ATM: variants seen among roughly 807,000 people sequenced by gnomAD.
The protein encoded by ATM is serine-protein kinase ATM.
A neutral mutation model predicts 387.0 loss-of-function variants in ATM; 308 were observed. The observed-to-expected ratio is 0.80, with a 90% confidence interval of 0.73 to 0.87. The LOEUF is 0.87. Among genes scored for constraint, ATM ranks in the 40% least tolerant of loss-of-function variants. The probability of loss-of-function intolerance (pLI) is 0.00; values close to 1 mark genes in which losing one functional copy is unlikely to be tolerated. For synonymous variants in ATM, 1,156 were observed against 1,187.3 expected, an observed-to-expected ratio of 0.97 and a Z score of 0.54; for missense variants, 3,312 against 3,560.9, an observed-to-expected ratio of 0.93 and a Z score of 1.78.
chr11:108,232,965 C>T lies in ATM; in HGVS notation c.332-2705C>T, dbSNP rs567397433. Among the ~76,000 whole-genome samples, 39 of 152,186 alleles carry T rather than the reference C, an allele frequency of 2.6e-4. 1 individual carries two copies. The highest frequency in any genetic ancestry group is 9.2e-4 in the African/African-American group (38 of 41,514). ...GCAACCTCCGCCTCCCGGGCTCAAGCGATTCTCCCGCCTCAGCTTCCCAAG... is the reference window on the plus strand; with the variant it reads ...GCAACCTCCGCCTCCCGGGCTCAAGTGATTCTCCCGCCTCAGCTTCCCAAG... On this transcript the variant is annotated intron_variant, in intron 4 of 62. Transcript: ENST00000675843.
chr11:108,337,870 A>G (rs900777661), intron 56 of ATM, among the ~76,000 whole-genome samples: 10 of 152,260 alleles, frequency 6.6e-5, no homozygotes, highest in African/African-American at 2.4e-4. Flanking sequence ...ACTCTCAGAA[A>G]GTAGCTAAGA....
rs202144949 is a variant in ATM, at chr11:108,251,877, A to G, written c.1648A>G (p.Ile550Val). ...TTTGACTTTGGCACTGACCACCAGT[A>G]TAGTTCCAGGAACGGTAAAAATGGG... ...CCLTLALTTS[I>V]VPGTVKMGIE... Residue 550 changes from isoleucine to valine, a missense_variant, in exon 11 of 63, where the codon ATA becomes GTA. Physicochemically the swap from Ile to Val is conservative, Grantham distance 29. This residue lies in a region of ATM where 1,791 missense variants were observed against 1,804.5 expected (regional missense o/e 0.99). Coordinates refer to ENST00000675843, the MANE Select transcript of ATM (RefSeq NM_000051.4). 39 of 1,613,830 alleles carry G rather than the reference A, an allele frequency of 2.4e-5. No individual in the cohort carries two copies. Among genetic ancestry groups the G allele is most frequent in the Middle Eastern group, 3.3e-4 (2 of 6,078 alleles).
At chr11:108,330,758 G>A (rs927244290) in intron 50 of ATM, among the ~76,000 whole-genome samples, 10 of 152,158 alleles carry the variant, frequency 6.6e-5, no homozygotes, top group African/African-American at 2.2e-4. Context: ...GGAGGATTTA[G>A]AAAGCAGTTA....
At chr11:108,353,958 G>A (rs2089542076) in intron 60 of ATM, 78 bp downstream of exon 60, 4 of 1,398,680 alleles carry the variant, frequency 2.9e-6, no homozygotes, top group Non-Finnish European at 4.0e-6. Context: ...CTTTGCACCT[G>A]TAATCCCAGC....
rs1555099701 is a variant in ATM, at chr11:108,292,605, T to TC, written c.4437-13dup. 14 of 1,613,180 alleles carry TC rather than the reference T, an allele frequency of 8.7e-6. No individual in the cohort carries two copies. Among genetic ancestry groups the TC allele is most frequent in the African/African-American group, 1.3e-5 (1 of 74,902 alleles). On this transcript the variant is annotated splice_polypyrimidine_tract_variant and intron_variant, in intron 29 of 62. Coordinates refer to ENST00000675843, the MANE Select transcript of ATM (RefSeq NM_000051.4). Reference sequence around the variant, plus strand: ...CTTACTGGTTGTTGTTGTTTTTTTTTCTCCCTATATTAGGCCTTCTTGTAT... The same window carrying TC: ...CTTACTGGTTGTTGTTGTTTTTTTTTCCTCCCTATATTAGGCCTTCTTGTAT...
intron 16 of ATM, among the ~76,000 whole-genome samples, chr11:108,266,648 A>G (rs934285639): frequency 5.3e-5 from 8 of 152,102 alleles, no homozygotes; most frequent in Admixed American, 3.9e-4. Flanking sequence ...AAAAAATAAT[A>G]ATTTTTAAAG....
intron 58 of ATM, 48 bp from the exon 59 acceptor site, chr11:108,347,231 A>C: frequency 2.2e-6 from 3 of 1,360,718 alleles, no homozygotes; most frequent in Non-Finnish European, 3.2e-6. Context: ...ATATATTAGA[A>C]AGAGATGGAA....
intron 59 of ATM, among the ~76,000 whole-genome samples, chr11:108,350,675 C>A (rs973437897): frequency 6.6e-6 from 1 of 152,066 alleles, no homozygotes; most frequent in Admixed American, 6.5e-5. Flanking sequence ...ACAGAGTAAA[C>A]GTGAAGATGG....
chr11:108,352,497 C>T (rs1199108867), intron 59 of ATM, among the ~76,000 whole-genome samples: 2 of 152,172 alleles, frequency 1.3e-5, no homozygotes, highest in Admixed American at 1.3e-4. Context: ...TAAGAGGAAA[C>T]CTTCAGCATC....
intron 60 of ATM, 22 bp from the exon 61 acceptor site, chr11:108,354,788 AT>A: frequency 6.2e-7 from 1 of 1,604,638 alleles, no homozygotes; most frequent in Non-Finnish European, 8.5e-7. Context: ...CAAAATCCGT[AT>A]TTATAATGTG....
At position 108,335,855 on chromosome 11, in the gene ATM, A is replaced by G. The variant is rs1555128280; in HGVS notation, c.8162A>G (p.Asp2721Gly). The G allele has an allele frequency of 6.2e-7, 1 of 1,613,578 alleles. No homozygotes were observed. The highest frequency in any genetic ancestry group is 8.5e-7 in the Non-Finnish European group (1 of 1,179,592). The change falls in exon 56 of 63, where the codon GAC becomes GGC. Residue 2721 changes from aspartate to glycine, a missense_variant. Asp to Gly is a moderately conservative substitution (Grantham distance 94). This residue lies in a region of ATM where 1,405 missense variants were observed against 1,604.4 expected (regional missense o/e 0.88). Transcript: ENST00000675843. ...ERRQLVKGRD[D>G]LRQDAVMQQV... ...TTAATTATTCTGAAGGGCCGTGATGACCTGAGACAAGATGCTGTCATGCAA... is the reference window on the plus strand; with the variant it reads ...TTAATTATTCTGAAGGGCCGTGATGGCCTGAGACAAGATGCTGTCATGCAA...
In ATM at chr11:108,315,741, G is replaced by T. The variant is rs1665019823; in HGVS notation, c.6007-82G>T. 3.1e-6 allele frequency: 3 copies of T among 974,872 alleles called. No individual in the cohort carries two copies. The East Asian group carries it at 7.5e-5, about 24-fold the overall frequency. 60.4% of individuals were successfully genotyped at this position (974,872 alleles called of 1,614,324 possible). ...ATTTAGAGTTGGGAGTTACATATTG[G>T]TAATGATACAATTTAAAATTTGCTA... On this transcript the variant is annotated intron_variant, in intron 40 of 62. Coordinates refer to ENST00000675843, the MANE Select transcript of ATM (RefSeq NM_000051.4).
chr11:108,275,366 A>T (rs2081884058), intron 22 of ATM, among the ~76,000 whole-genome samples: 2 of 152,142 alleles, frequency 1.3e-5, no homozygotes, highest in African/African-American at 4.8e-5. Flanking sequence ...TTTACATTTA[A>T]GGTTAATATT....
At chr11:108,290,983 C>T (rs1394502866) in intron 29 of ATM, among the ~76,000 whole-genome samples, 3 of 151,876 alleles carry the variant, frequency 2.0e-5, no homozygotes, top group Non-Finnish European at 2.9e-5. Context: ...CGCCTGTAAT[C>T]CCAGCACTTT....
At chr11:108,338,718 C>T in intron 56 of ATM, among the ~76,000 whole-genome samples, 1 of 151,858 alleles carries the variant, frequency 6.6e-6, no homozygotes, top group Non-Finnish European at 1.5e-5. Context: ...TTATACATCT[C>T]AATATTAAAG....
rs1555067189 is a variant in ATM, at chr11:108,244,940, A to G, written c.815A>G (p.Asn272Ser). The G allele has an allele frequency of 6.2e-7, 1 of 1,613,480 alleles. No individual in the cohort carries two copies. The highest frequency in any genetic ancestry group is 1.1e-5 in the South Asian group (1 of 91,074). ...LLYIWTQHRL[N>S]DSLKEVIIEL... is the part of the protein sequence containing the mutation. Reference sequence around the variant, plus strand: ...TATATTTGGACTCAACATAGGCTTAATGATTCTTTAAAAGAAGTCATTATT... The same window carrying G: ...TATATTTGGACTCAACATAGGCTTAGTGATTCTTTAAAAGAAGTCATTATT... The change falls in exon 7 of 63, where the codon AAT becomes AGT. Residue 272 changes from asparagine (N) to serine (S), a missense_variant. Around this residue, in one of 4 missense-constraint regions of ATM, gnomAD observed 1,791 missense variants for 1,804.5 expected, o/e 0.99. Coordinates refer to ENST00000675843, the MANE Select transcript of ATM (RefSeq NM_000051.4).
In ATM at chr11:108,253,803, C is replaced by G. The variant is rs730881282; in HGVS notation, c.1899-11C>G. The G allele has an allele frequency of 1.2e-6, 2 of 1,605,678 alleles. No individual in the cohort carries two copies. Among genetic ancestry groups the G allele is most frequent in the Middle Eastern group, 1.7e-4 (1 of 6,026 alleles). On this transcript the variant is annotated splice_polypyrimidine_tract_variant and intron_variant, in intron 12 of 62. Transcript: ENST00000675843. ...CTTGGTTTATATATTAAAGATCTTA[C>G]TTTCTTGAAGTGAACACCACCAAAA...
In ATM at chr11:108,227,772, T is replaced by G. The variant is rs1565344387; in HGVS notation, c.73-4T>G. On this transcript the variant is annotated splice_region_variant and splice_polypyrimidine_tract_variant and intron_variant, in intron 2 of 62. Transcript: ENST00000675843. ...ACCCATTATTATTTCCTTTTTATTTTCAGAAAGAAGTTGAGAAATTTAAGC... is the reference window on the plus strand; with the variant it reads ...ACCCATTATTATTTCCTTTTTATTTGCAGAAAGAAGTTGAGAAATTTAAGC... 6.2e-7 allele frequency: 1 copy of G among 1,613,486 alleles called. No individual in the cohort carries two copies. Among genetic ancestry groups the G allele is most frequent in the Non-Finnish European group, 8.5e-7 (1 of 1,179,604 alleles).
intron 42 of ATM, 142 bp from the exon 43 acceptor site, chr11:108,317,231 A>G (rs1591787770): frequency 3.7e-6 from 3 of 804,344 alleles, no homozygotes; most frequent in East Asian, 6.3e-5. Flanking sequence ...GAGCCACCAC[A>G]CCCAGCTGAT....
Sources: allele counts gnomAD v4.1 joint callset (sites outside exome capture counted in the v4.1 genomes callset), GRCh38; gene constraint gnomAD v4.1.1; regional missense constraint gnomAD v4.1.1; transcripts MANE v1.5; gene names NCBI Gene and HGNC (gene_info 2026-07-23, HGNC 2026-07-21).